Variants in STS observed in about 807,000 individuals in gnomAD.
STS encodes the protein steryl-sulfatase.
Under a neutral mutation model 26.8 loss-of-function variants are expected in STS, and 7 were observed. The ratio of observed to expected loss-of-function variants is 0.26; its 90% CI spans 0.15 to 0.49. The LOEUF is 0.49. Ranked by LOEUF, STS falls within the 20% of genes least tolerant of loss-of-function variation. STS has a pLI of 0.98. For synonymous variants in STS, 199 were observed against 189.4 expected (o/e 1.05, Z -0.42); for missense variants, 434 against 465.6 (o/e 0.93, Z 0.63).
intron 2 of STS, among the ~76,000 whole-genome samples, chrX:7,206,849 T>C (rs1920953608): frequency 8.9e-6 from 1 of 112,426 alleles, no homozygotes; most frequent in Admixed American, 9.4e-5. Context: ...TTAGTTTTGG[T>C]TTGGCAGACA....
intron 6 of STS, among the ~76,000 whole-genome samples, chrX:7,269,018 G>A (rs1456952917): frequency 2.8e-5 from 3 of 106,372 alleles, no homozygotes; most frequent in East Asian, 3.0e-4. Context: ...CGGCATGGTC[G>A]TGCACACCTG....
chrX:7,258,060 C>A (rs1414345369), intron 5 of STS, among the ~76,000 whole-genome samples: 1 of 100,182 alleles, frequency 1.0e-5, no homozygotes, highest in Non-Finnish European at 2.0e-5. Context: ...TAGATGATAG[C>A]TAGCTAGCTA....
chrX:7,326,583 A>G (rs938190661), intron 9 of STS, among the ~76,000 whole-genome samples: 4 of 112,119 alleles, frequency 3.6e-5, no homozygotes, highest in Non-Finnish European at 7.5e-5. Context: ...GTTCTAAATG[A>G]AATGTCTTTC....
intron 7 of STS, among the ~76,000 whole-genome samples, chrX:7,293,632 T>G (rs1925524141): frequency 9.0e-6 from 1 of 111,602 alleles, no homozygotes; most frequent in Non-Finnish European, 1.9e-5. Flanking sequence ...TATGCCTCAG[T>G]TACACCCATA....
chrX:7,227,624 G>A (rs1338661233), intron 2 of STS, among the ~76,000 whole-genome samples: 2 of 111,175 alleles, frequency 1.8e-5, no homozygotes, highest in African/African-American at 6.5e-5. Context: ...AAAAGTCTTA[G>A]AATAGACATA....
In STS at chrX:7,148,248, G is replaced by A. The variant is rs1211170152; in HGVS notation, c.-134+165G>A. 1.5e-5 allele frequency: 5 copies of A among 331,138 alleles called. No individual in the cohort carries two copies. The East Asian group carries it at 2.8e-4, about 18-fold the overall frequency. The allele number at this position is 331,138 out of a possible 1,213,427, so 27.3% of individuals were successfully genotyped here. ...ACGCGCCTTCCGCGGCCCCTCGCCC[G>A]GCTCCGAGCCCGCGCGTCCTGGGCT... On this transcript the variant is annotated intron_variant, in intron 1 of 10. Transcript: ENST00000674429.
chrX:7,266,140 C>T (rs1205042262), intron 6 of STS, among the ~76,000 whole-genome samples: 1 of 102,887 alleles, frequency 9.7e-6, no homozygotes, highest in Admixed American at 1.0e-4. Context: ...TAAAAATTTC[C>T]AGTTACAACT....
Position 7,297,418 on chromosome X carries a change from T to G in STS, c.944-7628T>G, listed in dbSNP as rs1001704840. On this transcript the variant is annotated intron_variant, in intron 7 of 10. Coordinates refer to ENST00000674429, the MANE Select transcript of STS (RefSeq NM_001320752.2). ...CCTATATGCTAAGTACAAGGTCTTG[T>G]GTGTTAGTTTGGTTCAGCCAGCAGA... 2.7e-5 allele frequency among the ~76,000 whole-genome samples: 3 copies of G among 111,451 alleles called. No individual in the cohort carries two copies. The Admixed American group carries it at 2.9e-4, about 11-fold the overall frequency.
At chrX:7,241,436 C>G (rs1486178376) in intron 2 of STS, among the ~76,000 whole-genome samples, 1 of 111,314 alleles carries the variant, frequency 9.0e-6, no homozygotes, top group Non-Finnish European at 1.9e-5. Context: ...CCTAAATGCC[C>G]TTTTCTAATT....
intron 7 of STS, among the ~76,000 whole-genome samples, chrX:7,281,930 A>G (rs2147114034): frequency 8.9e-6 from 1 of 112,678 alleles, no homozygotes; most frequent in Admixed American, 9.4e-5. Context: ...CGTAGAAGAC[A>G]TCTACTTTTA....
chrX:7,276,478 A>G (rs1924544460), intron 7 of STS, among the ~76,000 whole-genome samples: 1 of 111,275 alleles, frequency 9.0e-6, no homozygotes, highest in Non-Finnish European at 1.9e-5. Context: ...CTTAAAAAAA[A>G]TATATATATC....
intron 8 of STS, among the ~76,000 whole-genome samples, chrX:7,323,237 T>A (rs373734692): frequency 4.5e-5 from 5 of 110,928 alleles, no homozygotes; most frequent in African/African-American, 1.6e-4. Flanking sequence ...TTTTTTTTTT[T>A]AATTTTTAGA....
At chrX:7,260,801 T>C (rs745364299) in intron 6 of STS, among the ~76,000 whole-genome samples, 3 of 111,782 alleles carry the variant, frequency 2.7e-5, no homozygotes, top group Non-Finnish European at 5.6e-5. Flanking sequence ...ATATAAACAA[T>C]GTGGAAAGAT....
intron 8 of STS, among the ~76,000 whole-genome samples, chrX:7,324,772 C>G (rs188332048): frequency 1.8e-4 from 20 of 111,718 alleles, no homozygotes; most frequent in Middle Eastern, 9.1e-3. Context: ...GAGGAGGTGT[C>G]TATTCTGTTA....
chrX:7,314,157 C>A (rs1926605403), intron 8 of STS, among the ~76,000 whole-genome samples: 1 of 111,526 alleles, frequency 9.0e-6, no homozygotes, highest in Non-Finnish European at 1.9e-5. Flanking sequence ...GAGTTCGAGA[C>A]CAGTCTGGGC....
chrX:7,205,986 G>C, intron 2 of STS, among the ~76,000 whole-genome samples: 1 of 110,700 alleles, frequency 9.0e-6, no homozygotes, highest in Non-Finnish European at 1.9e-5. Context: ...AAAGGCCAAA[G>C]CCGTGATTTG....
At chrX:7,229,714 C>G (rs1210520078) in intron 2 of STS, among the ~76,000 whole-genome samples, 5 of 111,092 alleles carry the variant, frequency 4.5e-5, no homozygotes, top group Non-Finnish European at 9.4e-5. Context: ...GCCAGCCTAC[C>G]TACACCCAGT....
intron 7 of STS, among the ~76,000 whole-genome samples, chrX:7,300,877 T>C (rs903939933): frequency 1.8e-5 from 2 of 111,384 alleles, no homozygotes; most frequent in Admixed American, 9.6e-5. Flanking sequence ...TGGGGAAGGA[T>C]GCAGGATATT....
At chrX:7,228,883 C>A (rs1019463017) in intron 2 of STS, among the ~76,000 whole-genome samples, 2 of 112,415 alleles carry the variant, frequency 1.8e-5, no homozygotes, top group Non-Finnish European at 3.8e-5. Flanking sequence ...GTCTCTGATT[C>A]TTTTCTTTGC....
Sources: allele counts gnomAD v4.1 joint callset (sites outside exome capture counted in the v4.1 genomes callset), GRCh38; gene constraint gnomAD v4.1.1; transcripts MANE v1.5; gene names NCBI Gene and HGNC (gene_info 2026-07-23, HGNC 2026-07-21).